DROSHA: variants seen among roughly 807,000 people sequenced by gnomAD.
The protein encoded by DROSHA is drosha ribonuclease III, also known as ribonuclease 3.
In DROSHA, 56 loss-of-function variants were observed where a neutral mutation model predicts 181.9. The observed-to-expected ratio is 0.31, with a 90% CI of 0.25 to 0.38. The LOEUF is 0.38. Ranked by LOEUF, DROSHA falls within the 10% of genes least tolerant of loss-of-function variation. The pLI, the probability that DROSHA is intolerant of heterozygous loss-of-function variation, is 1.00. For missense variants in DROSHA, 1,218 were observed against 1,743.5 expected, an observed-to-expected ratio of 0.70 and a Z score of 5.37; for synonymous variants, 524 against 591.2, an observed-to-expected ratio of 0.89 and a Z score of 1.65.
At chr5:31,431,254 A>T (rs545237174) in intron 26 of DROSHA, among the ~76,000 whole-genome samples, 1 of 151,912 alleles carries the variant, frequency 6.6e-6, no homozygotes, top group African/African-American at 2.4e-5. Context: ...GTGATCCTGA[A>T]TCAAATCTGG....
intron 6 of DROSHA, 61 bp from the exon 7 acceptor site, chr5:31,515,625 A>G: frequency 1.9e-6 from 3 of 1,545,046 alleles, no homozygotes; most frequent in Non-Finnish European, 2.6e-6. Flanking sequence ...AATTTCAGCA[A>G]TGAGAATACC....
intron 30 of DROSHA, among the ~76,000 whole-genome samples, chr5:31,418,218 G>GGT (rs746849120): frequency 0.012 from 1,835 of 149,444 alleles, 15 homozygotes; most frequent in East Asian, 0.048. Flanking sequence ...ATGTGTGTGT[G>GGT]GTGTGTGTGT....
At chr5:31,423,120 A>AT in intron 28 of DROSHA, 176 bp from the exon 29 acceptor site, 1 of 585,864 alleles carries the variant, frequency 1.7e-6, no homozygotes, top group East Asian at 3.3e-5. Flanking sequence ...CAAATCTAAT[A>AT]TTTAAAGAAG....
At chr5:31,414,161 A>G (rs1033428400) in intron 30 of DROSHA, among the ~76,000 whole-genome samples, 1 of 152,188 alleles carries the variant, frequency 6.6e-6, no homozygotes, top group Non-Finnish European at 1.5e-5. Flanking sequence ...ACTTTCCTGT[A>G]GGGGAAGGGG....
chr5:31,425,955 G>A (rs1456797063), intron 27 of DROSHA, among the ~76,000 whole-genome samples: 1 of 152,044 alleles, frequency 6.6e-6, no homozygotes, highest in African/African-American at 2.4e-5. Flanking sequence ...CCCATAGAAA[G>A]TACTACTATT....
chr5:31,460,421 T>C (rs901006808), intron 20 of DROSHA, among the ~76,000 whole-genome samples: 15 of 152,168 alleles, frequency 9.9e-5, no homozygotes, highest in African/African-American at 3.6e-4. Flanking sequence ...CTTCTCTGGT[T>C]GGGGAAAATG....
intron 11 of DROSHA, among the ~76,000 whole-genome samples, chr5:31,498,597 C>T (rs1302310494): frequency 6.6e-6 from 1 of 152,094 alleles, no homozygotes; most frequent in Non-Finnish European, 1.5e-5. Context: ...GTGGCTCATG[C>T]CTGTAATCCC....
At chr5:31,515,593 T>C (rs974306218) in intron 6 of DROSHA, 29 bp from the exon 7 acceptor site, 2 of 1,550,970 alleles carry the variant, frequency 1.3e-6, no homozygotes, top group East Asian at 2.4e-5. Flanking sequence ...TGCAAAATGT[T>C]TGGAAATGTC....
rs1032572786 is a variant in DROSHA at position 31,504,592 on chromosome 5, C to T, written c.1631G>A (p.Arg544His). 6.2e-6 allele frequency: 10 copies of T among 1,613,922 alleles called. No homozygotes were observed. Among genetic ancestry groups the T allele is most frequent in the South Asian group, 4.4e-5 (4 of 91,064 alleles). ...ATAAATGCTGTGCCTAATTCCTGTG[C>T]GTCTTGCCTTTGCGCTGCATTTGCA... Reference protein sequence around the residue: ...PLCKCSAKARRTGIRHSIYPG... With the variant: ...PLCKCSAKARHTGIRHSIYPG... Residue 544 changes from arginine to histidine, a missense_variant, in exon 11 of 36, where the codon CGC (arginine) becomes CAC (histidine). Physicochemically the swap from Arg to His is conservative, Grantham distance 29. Coordinates refer to ENST00000344624, the MANE Select transcript of DROSHA (RefSeq NM_001382508.1).
chr5:31,508,404 G>C (rs1738248440), intron 10 of DROSHA, among the ~76,000 whole-genome samples: 1 of 152,134 alleles, frequency 6.6e-6, no homozygotes, highest in Admixed American at 6.5e-5. Flanking sequence ...CCCCAACATG[G>C]AATTTACAAA....
intron 35 of DROSHA, among the ~76,000 whole-genome samples, chr5:31,402,171 G>C (rs371735712): frequency 6.6e-6 from 1 of 152,154 alleles, no homozygotes; most frequent in Non-Finnish European, 1.5e-5. Flanking sequence ...GGGTTAAAGC[G>C]GACACATAAC....
At chr5:31,460,024 G>A (rs1484089573) in intron 20 of DROSHA, among the ~76,000 whole-genome samples, 1 of 151,994 alleles carries the variant, frequency 6.6e-6, no homozygotes, top group East Asian at 1.9e-4. Context: ...GATTTCCATG[G>A]ACCACCTTCT....
At chr5:31,404,215 A>T (rs1740381985) in intron 35 of DROSHA, among the ~76,000 whole-genome samples, 1 of 152,120 alleles carries the variant, frequency 6.6e-6, no homozygotes, top group African/African-American at 2.4e-5. Flanking sequence ...CAGTATGGAT[A>T]TGCAGGCCTG....
intron 16 of DROSHA, among the ~76,000 whole-genome samples, chr5:31,479,939 A>G (rs1750834502): frequency 6.6e-6 from 1 of 151,756 alleles, no homozygotes; most frequent in Non-Finnish European, 1.5e-5. Context: ...TTACCTTCTC[A>G]TTAACAGTGT....
intron 29 of DROSHA, chr5:31,421,717 G>A: frequency 5.2e-6 from 1 of 191,434 alleles, no homozygotes; most frequent in Non-Finnish European, 1.1e-5. Flanking sequence ...ACAGGTCCAA[G>A]ACTTTTCTTT....
At chr5:31,515,334 C>T (rs1739155586) in intron 7 of DROSHA, 115 bp from the exon 8 acceptor site, 1 of 1,205,520 alleles carries the variant, frequency 8.3e-7, no homozygotes, top group Non-Finnish European at 1.2e-6. Context: ...CATGCCAAAT[C>T]ACCGTGTGTA....
chr5:31,530,771 T>C lies in DROSHA; in HGVS notation c.-47+27A>G, dbSNP rs1251562071. The C allele has an allele frequency of 7.5e-6, 3 of 398,288 alleles. No individual in the cohort carries two copies. In the Admixed American group the frequency reaches 1.3e-4, roughly 18 times the overall value. The allele number at this position is 398,288 out of a possible 1,614,324, so 24.7% of individuals were successfully genotyped here. On this transcript the variant is annotated intron_variant, in intron 3 of 35. Transcript: ENST00000344624. ...AATCCCATTCCCTCTAGACTTAGTC[T>C]ATACTTAATCCTTTTACAGCACTTA...
At chr5:31,440,576 TTC>T (rs1370172636) in intron 23 of DROSHA, among the ~76,000 whole-genome samples, 1 of 152,194 alleles carries the variant, frequency 6.6e-6, no homozygotes, top group Non-Finnish European at 1.5e-5. Flanking sequence ...GAATAAGTGA[TTC>T]TGAACCCTCC....
At chr5:31,422,668 A>G (rs557747974) in intron 29 of DROSHA, 119 bp downstream of exon 29, 23 of 1,301,846 alleles carry the variant, frequency 1.8e-5, no homozygotes, top group African/African-American at 1.6e-4. Flanking sequence ...CCATCTCACA[A>G]TGTGACTTTC....
Sources: allele counts gnomAD v4.1 joint callset (sites outside exome capture counted in the v4.1 genomes callset), GRCh38; gene constraint gnomAD v4.1.1; transcripts MANE v1.5; gene names NCBI Gene and HGNC (gene_info 2026-07-23, HGNC 2026-07-21).